SLC41A1: variants seen among roughly 807,000 people sequenced by gnomAD.
SLC41A1 encodes the protein solute carrier family 41 (magnesium transporter), member 1.
A neutral mutation model predicts 47.3 loss-of-function variants in SLC41A1; 20 were observed. The ratio of observed to expected loss-of-function variants is 0.42; its 90% CI spans 0.30 to 0.61. SLC41A1 has a LOEUF of 0.61. SLC41A1 is among the 20% of genes least tolerant of loss of function. SLC41A1 has a pLI of 0.17. For synonymous variants in SLC41A1, 282 were observed against 272.7 expected (o/e 1.03, Z -0.34); for missense variants, 504 against 674.1 (o/e 0.75, Z 2.79).
At chr1:205,806,960 A>G (rs938294911) in intron 2 of SLC41A1, among the ~76,000 whole-genome samples, 2 of 152,138 alleles carry the variant, frequency 1.3e-5, no homozygotes, top group Non-Finnish European at 2.9e-5. Flanking sequence ...TGGACCAAGG[A>G]GACATCTGAA....
intron 2 of SLC41A1, chr1:205,801,370 C>T: frequency 2.6e-6 from 1 of 379,804 alleles, no homozygotes; most frequent in Non-Finnish European, 5.1e-6. Flanking sequence ...GGGACCCACA[C>T]AGCTGAGCTG....
rs542845237 is a variant in SLC41A1, at chr1:205,797,761, T to C, written c.992+143A>G. ...AACCCAGTTCAGATGGTTTCTGTCATTTTCAACAGAAGGACATGTGACTGA... is the reference window on the plus strand; with the variant it reads ...AACCCAGTTCAGATGGTTTCTGTCACTTTCAACAGAAGGACATGTGACTGA... On this transcript the variant is annotated intron_variant, in intron 7 of 10. Coordinates refer to ENST00000367137, the MANE Select transcript of SLC41A1 (RefSeq NM_173854.6). 1.4e-4 allele frequency: 167 copies of C among 1,161,620 alleles called. No homozygotes were observed. The African/African-American group carries it at 2.3e-3, about 16-fold the overall frequency. The allele number at this position is 1,161,620 out of a possible 1,614,324, so 72.0% of individuals were successfully genotyped here. A position where few individuals can be genotyped will look rare whatever the true frequency, so the allele number is the denominator to read the frequency against.
At chr1:205,796,626 C>T in intron 8 of SLC41A1, 1 of 451,142 alleles carries the variant, frequency 2.2e-6, no homozygotes, top group Non-Finnish European at 4.1e-6. Context: ...TATAAATTAG[C>T]CAGTTTCAAG....
intron 2 of SLC41A1, among the ~76,000 whole-genome samples, chr1:205,807,069 G>C (rs955570145): frequency 1.4e-4 from 22 of 152,156 alleles, no homozygotes; most frequent in African/African-American, 4.8e-4. Flanking sequence ...GGCACTTTCA[G>C]ATTCTCTTAC....
Position 205,789,793 on chromosome 1 carries a change from G to C in SLC41A1, c.*1740C>G, listed in dbSNP as rs1350858992. On this transcript the variant is annotated 3_prime_UTR_variant, in exon 11 of 11. Transcript: ENST00000367137. The stretch of plus-strand genomic sequence containing the variant: ...GGTTCCTGGGATAAGGTGCAGTGTT[G>C]GTAGAAACAGGATCATTGCCTAAGC... 1.3e-5 allele frequency: 2 copies of C among 152,304 alleles called. No individual in the cohort carries two copies. The highest frequency in any genetic ancestry group is 2.9e-5 in the Non-Finnish European group (2 of 68,034). The allele number at this position is 152,304 out of a possible 1,614,324, so 9.4% of individuals were successfully genotyped here.
rs375967773 is a variant in SLC41A1 at position 205,801,052 on chromosome 1, T to C, written c.381A>G (p.Glu127=). Residue 127 remains glutamate (E), a synonymous_variant, in exon 3 of 11, where the codon GAA becomes GAG. Coordinates refer to ENST00000367137, the MANE Select transcript of SLC41A1 (RefSeq NM_173854.6). ...GMVLDIVQHW[E]VFQKVTEVFI... is the part of the protein sequence containing the mutation. ...AGACCTCTGTCACCTTCTGGAAGAC[T>C]TCCCAGTGCTACGAGGTGAAAACAG... 3.1e-6 allele frequency: 5 copies of C among 1,613,862 alleles called. No homozygotes were observed. In the African/African-American group the frequency reaches 5.3e-5, roughly 17 times the overall value.
intron 8 of SLC41A1, 71 bp from the exon 9 acceptor site, chr1:205,795,549 C>G: frequency 3.8e-6 from 6 of 1,571,286 alleles, no homozygotes; most frequent in Non-Finnish European, 5.2e-6. Flanking sequence ...ATGATCTTCT[C>G]ACTCTTTGTC....
chr1:205,807,895 G>A (rs989712748), intron 2 of SLC41A1, among the ~76,000 whole-genome samples: 11 of 150,772 alleles, frequency 7.3e-5, no homozygotes, highest in South Asian at 2.1e-4. Flanking sequence ...GGCTTCAAGC[G>A]ATCCTCCTGC....
At chr1:205,803,690 T>A (rs1175814696) in intron 2 of SLC41A1, among the ~76,000 whole-genome samples, 1 of 144,464 alleles carries the variant, frequency 6.9e-6, no homozygotes. Context: ...CAGGCTGGAG[T>A]GCAGTGGTGC....
intron 2 of SLC41A1, among the ~76,000 whole-genome samples, chr1:205,802,719 AAAAATAAAATAAAAT>A (rs60350796): frequency 1.4e-3 from 184 of 133,414 alleles, no homozygotes; most frequent in Admixed American, 1.8e-3. Context: ...ACTCTGTCTC[AAAAATAAAATAAAAT>A]AAAATAAAAT....
Position 205,810,750 on chromosome 1 carries a change from T to C in SLC41A1, c.-309A>G, listed in dbSNP as rs976945885. 7.8e-5 allele frequency: 33 copies of C among 425,440 alleles called. No homozygotes were observed. Among genetic ancestry groups the C allele is most frequent in the African/African-American group, 4.4e-4 (22 of 49,832 alleles). The allele number at this position is 425,440 out of a possible 1,614,324, so 26.4% of individuals were successfully genotyped here. On this transcript the variant is annotated 5_prime_UTR_variant, in exon 2 of 11. Transcript: ENST00000367137. The surrounding 1 kb of genome is among the most constrained non-coding windows in gnomAD (Gnocchi z 5.5). ...TGAAGAAAAAGTATCTGTCCTCTTA[T>C]CTTCTTTGGTTCTCAGTGGCAGGCT...
chr1:205,792,104 T>A (rs971748938), intron 10 of SLC41A1, among the ~76,000 whole-genome samples: 2 of 152,250 alleles, frequency 1.3e-5, no homozygotes, highest in African/African-American at 2.4e-5. Flanking sequence ...TCCTGCCATG[T>A]TGGCCTTTCC....
At chr1:205,808,501 C>T (rs1390512612) in intron 2 of SLC41A1, among the ~76,000 whole-genome samples, 1 of 152,238 alleles carries the variant, frequency 6.6e-6, no homozygotes, top group Non-Finnish European at 1.5e-5. Flanking sequence ...CTTCAGTTCA[C>T]CTCTGGACCC....
rs535704227 is a variant in SLC41A1 at position 205,789,964 on chromosome 1, T to A, written c.*1569A>T. 5.1e-4 allele frequency: 78 copies of A among 152,342 alleles called. No homozygotes were observed. Among genetic ancestry groups the A allele is most frequent in the Non-Finnish European group, 1.0e-4 (7 of 68,070 alleles). 9.4% of individuals were successfully genotyped at this position (152,342 alleles called of 1,614,324 possible). A position where few individuals can be genotyped will look rare whatever the true frequency, so the allele number is the denominator to read the frequency against. ...TGGAGGCTCCAGTTTTCTCCCAATT[T>A]TGTGCTAGGCAGAGAAAAGTAGAAA... On this transcript the variant is annotated 3_prime_UTR_variant, in exon 11 of 11. Coordinates refer to ENST00000367137, the MANE Select transcript of SLC41A1 (RefSeq NM_173854.6).
At position 205,813,158 on chromosome 1, in the gene SLC41A1, A is replaced by C. The variant is rs920197981; in HGVS notation, c.-997T>G. On this transcript the variant is annotated 5_prime_UTR_variant, in exon 1 of 11. Coordinates refer to ENST00000367137, the MANE Select transcript of SLC41A1 (RefSeq NM_173854.6). ...CTTCTTGCCCGCGGACTCGGGCCCA[A>C]CTGGTTGGCTGCCGGTGGCAAACGT... 7 of 985,248 alleles carry C rather than the reference A, an allele frequency of 7.1e-6. No homozygotes were observed. Among genetic ancestry groups the C allele is most frequent in the Non-Finnish European group, 8.4e-6 (7 of 829,972 alleles). The allele number at this position is 985,248 out of a possible 1,614,324, so 61.0% of individuals were successfully genotyped here. A position where few individuals can be genotyped will look rare whatever the true frequency, so the allele number is the denominator to read the frequency against.
Position 205,791,113 on chromosome 1 carries a change from CAAAAATA to C in SLC41A1, c.*413_*419del, listed in dbSNP as rs1207254677. 22 of 270,342 alleles carry C rather than the reference CAAAAATA, an allele frequency of 8.1e-5. 1 individual carries two copies. Among genetic ancestry groups the C allele is most frequent in the South Asian group, 8.0e-4 (20 of 24,900 alleles). 16.7% of individuals were successfully genotyped at this position (270,342 alleles called of 1,614,324 possible). On this transcript the variant is annotated 3_prime_UTR_variant, in exon 11 of 11. Coordinates refer to ENST00000367137, the MANE Select transcript of SLC41A1 (RefSeq NM_173854.6). The surrounding 1 kb of genome is among the most constrained non-coding windows in gnomAD (Gnocchi z 4.0). ...TTCTGTCCCTCTGTTCAACCAAAACCAAAAATAAAACAAAACAGATAAAAAGAAAACA... is the reference window on the plus strand; with the variant it reads ...TTCTGTCCCTCTGTTCAACCAAAACCAAACAAAACAGATAAAAAGAAAACA...
Position 205,798,658 on chromosome 1 carries a change from T to A in SLC41A1, c.844+11A>T, listed in dbSNP as rs753673698. 1.2e-6 allele frequency: 2 copies of A among 1,614,070 alleles called. No individual in the cohort carries two copies. The highest frequency in any genetic ancestry group is 4.5e-5 in the East Asian group (2 of 44,900). On this transcript the variant is annotated intron_variant, in intron 6 of 10. Transcript: ENST00000367137. The stretch of plus-strand genomic sequence containing the variant: ...CCAGGACTCCAAGAAGCCACACTCT[T>A]GGTGGCTCACTCAGTTCCAGGTAGA...
intron 7 of SLC41A1, among the ~76,000 whole-genome samples, chr1:205,797,456 T>G (rs1271531253): frequency 6.6e-6 from 1 of 152,230 alleles, no homozygotes; most frequent in Non-Finnish European, 1.5e-5. Flanking sequence ...ATCAGAGGAT[T>G]GCAGCCCCAA....
chr1:205,806,581 G>C (rs1361823578), intron 2 of SLC41A1, among the ~76,000 whole-genome samples: 1 of 152,234 alleles, frequency 6.6e-6, no homozygotes, highest in Non-Finnish European at 1.5e-5. Flanking sequence ...ATGGGCACAA[G>C]GCTCCTGCAG....
Sources: allele counts gnomAD v4.1 joint callset (sites outside exome capture counted in the v4.1 genomes callset), GRCh38; gene constraint gnomAD v4.1.1; non-coding constraint Gnocchi (gnomAD v3.1); transcripts MANE v1.5; gene names NCBI Gene and HGNC (gene_info 2026-07-23, HGNC 2026-07-21).